The following PLPPR2 variants were observed in gnomAD, a reference collection of about 807,000 sequenced individuals.
PLPPR2 encodes phospholipid phosphatase related 2.
Under a neutral mutation model 40.3 loss-of-function variants are expected in PLPPR2, and 11 were observed. The ratio of observed to expected loss-of-function variants is 0.27; its 90% CI spans 0.17 to 0.45. PLPPR2 has a LOEUF of 0.45. PLPPR2 is among the 20% of genes least tolerant of loss of function. The pLI is 1.00. For missense variants in PLPPR2, 497 were observed against 640.7 expected (o/e 0.78, Z 2.42); for synonymous variants, 260 against 290.8 (o/e 0.89, Z 1.08).
In PLPPR2 at chr19:11,359,852, T is replaced by C. The variant is rs763754378; in HGVS notation, c.287T>C (p.Phe96Ser). 1.6e-5 allele frequency: 26 copies of C among 1,613,554 alleles called. No homozygotes were observed. The highest frequency in any genetic ancestry group is 2.1e-5 in the Non-Finnish European group (25 of 1,179,644). The change falls in exon 5 of 10, where the codon TTC becomes TCC. Residue 96 changes from phenylalanine (F) to serine (S), a missense_variant. Transcript: ENST00000688289. The surrounding 1 kb of genome is among the most constrained non-coding windows in gnomAD (Gnocchi z 5.6). ...ILLGELARAF[F>S]PAPPSAVPVI... Reference sequence around the variant, plus strand: ...CTGGGAGAGCTGGCGCGTGCCTTTTTCCCTGCACCACCTTCAGCCGTCCCA... The same window carrying C: ...CTGGGAGAGCTGGCGCGTGCCTTTTCCCCTGCACCACCTTCAGCCGTCCCA...
In PLPPR2 at chr19:11,362,652, C is replaced by T. The variant is rs765809903; in HGVS notation, c.803C>T (p.Ala268Val). The T allele has an allele frequency of 6.2e-7, 1 of 1,613,646 alleles. No individual in the cohort carries two copies. Among genetic ancestry groups the T allele is most frequent in the South Asian group, 1.1e-5 (1 of 91,058 alleles). ...EYRNHWSDVL[A>V]GFLTGAAIAT... ...CGAAACCACTGGTCGGACGTGCTGGCTGGCTTCCTGACAGGGGCGGCCATC... is the reference window on the plus strand; with the variant it reads ...CGAAACCACTGGTCGGACGTGCTGGTTGGCTTCCTGACAGGGGCGGCCATC... The change falls in exon 7 of 10, where the codon GCT (alanine) becomes GTT (valine). Residue 268 changes from alanine (A) to valine (V), a missense_variant. Ala to Val is a moderately conservative substitution (Grantham distance 64). Transcript: ENST00000688289. This position sits in a 1 kb window ranked among gnomAD's most constrained non-coding sequence, Gnocchi z 5.3.
chr19:11,361,179 G>C lies in PLPPR2; in HGVS notation c.392-38G>C. 6.4e-7 allele frequency: 1 copy of C among 1,563,828 alleles called. No individual in the cohort carries two copies. The highest frequency in any genetic ancestry group is 8.6e-7 in the Non-Finnish European group (1 of 1,157,050). ...CAATGGAATCAGTGGGAGCATCAGG[G>C]CCTGGCGCATGAACCCCTTCCACTA... On this transcript the variant is annotated intron_variant, in intron 5 of 9. Coordinates refer to ENST00000688289, the MANE Select transcript of PLPPR2 (RefSeq NM_001393892.1). This position sits in a 1 kb window ranked among gnomAD's most constrained non-coding sequence, Gnocchi z 6.3.
At position 11,359,072 on chromosome 19, in the gene PLPPR2, G is replaced by T. The variant is rs142984492; in HGVS notation, c.67-460G>T. 1.2e-3 allele frequency among the ~76,000 whole-genome samples: 173 copies of T among 147,234 alleles called. 2 individuals are homozygous for T. The East Asian group carries it at 0.028, about 24-fold the overall frequency. On this transcript the variant is annotated intron_variant, in intron 3 of 9. Coordinates refer to ENST00000688289, the MANE Select transcript of PLPPR2 (RefSeq NM_001393892.1). The surrounding 1 kb of genome is among the most constrained non-coding windows in gnomAD (Gnocchi z 5.6). ...TTCCTTTCTTTTTTTTCTGAGACAG[G>T]GTCTCCCTCTGTCACCCAGGCTGGA...
In PLPPR2 at chr19:11,364,064, C is replaced by T; in HGVS notation, c.964-97C>T. 6.7e-7 allele frequency: 1 copy of T among 1,482,650 alleles called. No individual in the cohort carries two copies. The highest frequency in any genetic ancestry group is 9.1e-7 in the Non-Finnish European group (1 of 1,097,054). 91.8% of individuals were successfully genotyped at this position (1,482,650 alleles called of 1,614,324 possible). ...GGTTAATCATGAGAACTGTGGTTGT[C>T]TTTTCCATGGGGCTCTTCACCTGAT... On this transcript the variant is annotated intron_variant, in intron 8 of 9. Transcript: ENST00000688289. The surrounding 1 kb of genome is among the most constrained non-coding windows in gnomAD (Gnocchi z 5.8).
rs1258943418 is a variant in PLPPR2, at chr19:11,363,820, G to C, written c.948G>C (p.Lys316Asn). ...CCACCATGGATAGCCCCCTCGAAAAGTTAAGTGTGGCGCAGGTAAGGGGGG... is the reference window on the plus strand; with the variant it reads ...CCACCATGGATAGCCCCCTCGAAAACTTAAGTGTGGCGCAGGTAAGGGGGG... ...QAPTMDSPLEKLSVAQEPEVC... is the reference protein window; with the variant it reads ...QAPTMDSPLENLSVAQEPEVC... Residue 316 changes from lysine (K) to asparagine (N), a missense_variant, in exon 8 of 10, where the codon AAG becomes AAC. Lys to Asn is a moderately conservative substitution (Grantham distance 94). Coordinates refer to ENST00000688289, the MANE Select transcript of PLPPR2 (RefSeq NM_001393892.1). The surrounding 1 kb of genome is among the most constrained non-coding windows in gnomAD (Gnocchi z 4.8). The C allele has an allele frequency of 6.2e-7, 1 of 1,613,980 alleles. No homozygotes were observed. Among genetic ancestry groups the C allele is most frequent in the Admixed American group, 1.7e-5 (1 of 59,998 alleles).
At chr19:11,356,280 G>A (rs919711044) in intron 1 of PLPPR2, among the ~76,000 whole-genome samples, 1 of 152,020 alleles carries the variant, frequency 6.6e-6, no homozygotes, top group African/African-American at 2.4e-5. Flanking sequence ...AATTGGGGGT[G>A]TGACGCTGTG....
At position 11,357,678 on chromosome 19, in the gene PLPPR2, C is replaced by T. The variant is rs770168426; in HGVS notation, c.5C>T (p.Ala2Val). 36 of 1,605,816 alleles carry T rather than the reference C, an allele frequency of 2.2e-5. No homozygotes were observed. Among genetic ancestry groups the T allele is most frequent in the Admixed American group, 1.0e-4 (6 of 58,984 alleles). M[A>V]GGRPHLKRSF... ...TCTGCAGGCCTGGCCTTCACCATGG[C>T]GGGAGGGAGACCGCATCTGAAGAGG... Residue 2 changes from alanine to valine, a missense_variant, in exon 3 of 10, where the codon GCG (alanine) becomes GTG (valine). Ala to Val is a moderately conservative substitution (Grantham distance 64). Coordinates refer to ENST00000688289, the MANE Select transcript of PLPPR2 (RefSeq NM_001393892.1).
Position 11,364,365 on chromosome 19 carries a change from G to C in PLPPR2, c.1034G>C (p.Arg345Pro), listed in dbSNP as rs368224754. 5 of 1,519,618 alleles carry C rather than the reference G, an allele frequency of 3.3e-6. No homozygotes were observed. The highest frequency in any genetic ancestry group is 4.4e-6 in the Non-Finnish European group (5 of 1,135,328). 94.1% of individuals were successfully genotyped at this position (1,519,618 alleles called of 1,614,324 possible). Reference protein sequence around the residue: ...LTPSKSQNCARRGHLIPSCVS... With the variant: ...LTPSKSQNCAPRGHLIPSCVS... The stretch of plus-strand genomic sequence containing the variant: ...CCACCAGAGTCGCAGAACTGCGCCC[G>C]CCGTGGCCACCTGATCCCCAGCTGT... The change falls in exon 10 of 10, where the codon CGC (arginine) becomes CCC (proline). Residue 345 changes from arginine (R) to proline (P), a missense_variant. Physicochemically the swap from Arg to Pro is moderately radical, Grantham distance 103. Transcript: ENST00000688289. This position sits in a 1 kb window ranked among gnomAD's most constrained non-coding sequence, Gnocchi z 5.8.
chr19:11,358,383 T>C (rs1967951831), intron 3 of PLPPR2, among the ~76,000 whole-genome samples: 1 of 151,990 alleles, frequency 6.6e-6, no homozygotes, highest in Admixed American at 6.6e-5. Flanking sequence ...AGGTAAAATA[T>C]ATTAATTCAT....
At position 11,362,783 on chromosome 19, in the gene PLPPR2, C is replaced by A; in HGVS notation, c.840+94C>A. On this transcript the variant is annotated intron_variant, in intron 7 of 9. Transcript: ENST00000688289. This position sits in a 1 kb window ranked among gnomAD's most constrained non-coding sequence, Gnocchi z 5.3. ...CACATGATGGAGAAGGGTGTGGACT[C>A]TGTGTGACCTTGGGCCAATCCCTTA... The A allele has an allele frequency of 7.3e-7, 1 of 1,373,636 alleles. No individual in the cohort carries two copies. The highest frequency in any genetic ancestry group is 9.9e-7 in the Non-Finnish European group (1 of 1,010,656). 85.1% of individuals were successfully genotyped at this position (1,373,636 alleles called of 1,614,324 possible). A position where few individuals can be genotyped will look rare whatever the true frequency, so the allele number is the denominator to read the frequency against.
chr19:11,364,795 GCCAGAC>G lies in PLPPR2; in HGVS notation c.*112_*117del. The stretch of plus-strand genomic sequence containing the variant: ...CCAAAGTCCCCTGCCCCCCAAGCCA[GCCAGAC>G]CCAGACATTAGAAGATGGCTAGAAG... On this transcript the variant is annotated 3_prime_UTR_variant, in exon 10 of 10. Transcript: ENST00000688289. The surrounding 1 kb of genome is among the most constrained non-coding windows in gnomAD (Gnocchi z 5.8). The G allele has an allele frequency of 1.5e-6, 2 of 1,290,996 alleles. No individual in the cohort carries two copies. The highest frequency in any genetic ancestry group is 2.1e-6 in the Non-Finnish European group (2 of 936,248). 80.0% of individuals were successfully genotyped at this position (1,290,996 alleles called of 1,614,324 possible).
Position 11,359,935 on chromosome 19 carries a change from C to T in PLPPR2, c.370C>T (p.Arg124Trp), listed in dbSNP as rs910694106. The T allele has an allele frequency of 3.1e-6, 5 of 1,609,626 alleles. No homozygotes were observed. The highest frequency in any genetic ancestry group is 4.2e-6 in the Non-Finnish European group (5 of 1,177,728). Residue 124 changes from arginine to tryptophan, a missense_variant, in exon 5 of 10, where the codon CGG becomes TGG. By Grantham distance (101) the Arg-to-Trp change is moderately radical (BLOSUM62 -3). Coordinates refer to ENST00000688289, the MANE Select transcript of PLPPR2 (RefSeq NM_001393892.1). The surrounding 1 kb of genome is among the most constrained non-coding windows in gnomAD (Gnocchi z 5.6). ...CTGCTGCCGCTTCAGCCCCCCAGTG[C>T]GGAGGCTGGTCCGCTTCCTGGGTGA... ...GACCRFSPPV[R>W]RLVRFLGVYS...
chr19:11,361,270 G>T lies in PLPPR2; in HGVS notation c.445G>T (p.Val149Leu). Residue 149 changes from valine to leucine, a missense_variant, in exon 6 of 10, where the codon GTG (valine) becomes TTG (leucine). By Grantham distance (32) the Val-to-Leu change is conservative. Coordinates refer to ENST00000688289, the MANE Select transcript of PLPPR2 (RefSeq NM_001393892.1). The surrounding 1 kb of genome is among the most constrained non-coding windows in gnomAD (Gnocchi z 6.3). ...TTTIFANAGQVVTGNPTPHFL... is the reference protein window; with the variant it reads ...TTTIFANAGQLVTGNPTPHFL... ...GACCATCTTCGCCAACGCGGGGCAG[G>T]TGGTGACCGGCAATCCCACGCCACA... The T allele has an allele frequency of 1.2e-6, 2 of 1,613,464 alleles. No homozygotes were observed. The highest frequency in any genetic ancestry group is 8.5e-7 in the Non-Finnish European group (1 of 1,179,948).
Position 11,357,727 on chromosome 19 carries a change from T to C in PLPPR2, c.54T>C (p.Phe18=). 2 of 1,605,390 alleles carry C rather than the reference T, an allele frequency of 1.2e-6. No homozygotes were observed. Among genetic ancestry groups the C allele is most frequent in the Non-Finnish European group, 8.5e-7 (1 of 1,175,552 alleles). The change falls in exon 3 of 10, where the codon TTT becomes TTC. Residue 18 remains phenylalanine, a synonymous_variant. Coordinates refer to ENST00000688289, the MANE Select transcript of PLPPR2 (RefSeq NM_001393892.1). ...LKRSFSIIPC[F]VFVESVLLGI... ...GGAGTTTCTCCATCATCCCCTGCTT[T>C]GTCTTCGTGGAGGTGAGGACCCCCG...
Position 11,365,143 on chromosome 19 carries a change from T to G in PLPPR2, c.*453T>G. On this transcript the variant is annotated 3_prime_UTR_variant, in exon 10 of 10. Coordinates refer to ENST00000688289, the MANE Select transcript of PLPPR2 (RefSeq NM_001393892.1). ...AGTGGGTGGGCATGATTCCAGTCAA[T>G]GGGGGACCGCCCGTGTCTAAGCATG... 1 of 191,442 alleles carries G rather than the reference T, an allele frequency of 5.2e-6. No homozygotes were observed. The highest frequency in any genetic ancestry group is 1.1e-5 in the Non-Finnish European group (1 of 92,634). The allele number at this position is 191,442 out of a possible 1,614,324, so 11.9% of individuals were successfully genotyped here. A position where few individuals can be genotyped will look rare whatever the true frequency, so the allele number is the denominator to read the frequency against.
rs759000150 is a variant in PLPPR2 at position 11,362,710 on chromosome 19, T to C, written c.840+21T>C. 14 of 1,602,624 alleles carry C rather than the reference T, an allele frequency of 8.7e-6. No homozygotes were observed. Among genetic ancestry groups the C allele is most frequent in the Non-Finnish European group, 1.2e-5 (14 of 1,173,268 alleles). ...TTTTGGTGAGTTGCCTCCTCAACCT[T>C]CCCAGCATGGAAGACCCTCACCAGC... is the stretch of plus-strand genomic sequence containing the variant. On this transcript the variant is annotated intron_variant, in intron 7 of 9. Transcript: ENST00000688289. The surrounding 1 kb of genome is among the most constrained non-coding windows in gnomAD (Gnocchi z 5.3).
In PLPPR2 at chr19:11,359,312, CCTT is replaced by C. The variant is rs1402806195; in HGVS notation, c.67-217_67-215del. ...GCACACGGCCCCTCTGTTTCTGTCTCCTTCTCCTTCTGTTTCTCCTAAGCCCTG... is the reference window on the plus strand; with the variant it reads ...GCACACGGCCCCTCTGTTTCTGTCTCCTCCTTCTGTTTCTCCTAAGCCCTG... On this transcript the variant is annotated intron_variant, in intron 3 of 9. Coordinates refer to ENST00000688289, the MANE Select transcript of PLPPR2 (RefSeq NM_001393892.1). This position sits in a 1 kb window ranked among gnomAD's most constrained non-coding sequence, Gnocchi z 5.6. 2.0e-5 allele frequency among the ~76,000 whole-genome samples: 3 copies of C among 152,148 alleles called. No individual in the cohort carries two copies. Among genetic ancestry groups the C allele is most frequent in the South Asian group, 4.1e-4 (2 of 4,836 alleles).
chr19:11,357,164 C>T (rs1448182906), intron 2 of PLPPR2, among the ~76,000 whole-genome samples, 188 bp downstream of exon 2: 2 of 151,940 alleles, frequency 1.3e-5, no homozygotes, highest in Non-Finnish European at 2.9e-5. Context: ...AACCAGACAC[C>T]AACACCACAG....
chr19:11,364,177 G>GGCCGCATTCGACACCGGCACGGCTC lies in PLPPR2; in HGVS notation c.981_1005dup (p.Thr336AlafsTer48). The GGCCGCATTCGACACCGGCACGGCTC allele has an allele frequency of 6.2e-7, 1 of 1,612,198 alleles. No individual in the cohort carries two copies. Among genetic ancestry groups the GGCCGCATTCGACACCGGCACGGCTC allele is most frequent in the Non-Finnish European group, 8.5e-7 (1 of 1,178,804 alleles). On this transcript the variant is annotated frameshift_variant, in exon 9 of 10. Transcript: ENST00000688289. LOFTEE classifies it high-confidence loss of function. This position sits in a 1 kb window ranked among gnomAD's most constrained non-coding sequence, Gnocchi z 5.8. Reference sequence around the variant, plus strand: ...TTGTCTCAGGAACCCGAGGTCTGCAGGCCGCATTCGACACCGGCACGGCTC... The same window carrying GGCCGCATTCGACACCGGCACGGCTC: ...TTGTCTCAGGAACCCGAGGTCTGCAGGCCGCATTCGACACCGGCACGGCTCGCCGCATTCGACACCGGCACGGCTC...
Sources: gnomAD v4.1 joint callset for allele counts (sites outside exome capture counted in the v4.1 genomes callset) on GRCh38, gnomAD v4.1.1 for gene constraint, Gnocchi (gnomAD v3.1) non-coding constraint, MANE v1.5 for transcripts, NCBI Gene and HGNC (gene_info 2026-07-23, HGNC 2026-07-21) for gene names.